Variants in NTRK3 observed in about 807,000 individuals in gnomAD.
NTRK3 encodes neurotrophic receptor tyrosine kinase 3, also known as NT-3 growth factor receptor.
In NTRK3, 24 loss-of-function variants were observed where a neutral mutation model predicts 91.7. The ratio of observed to expected loss-of-function variants is 0.26; its 90% confidence interval spans 0.19 to 0.37. NTRK3 has a LOEUF of 0.37. NTRK3 is among the 10% of genes least tolerant of loss of function. The pLI, the probability that NTRK3 is intolerant of heterozygous loss-of-function variation, is 1.00. For synonymous variants in NTRK3, 483 were observed against 404.0 expected, an observed-to-expected ratio of 1.20 and a Z score of -2.34; for missense variants, 880 against 1,068.9, an observed-to-expected ratio of 0.82 and a Z score of 2.46.
At chr15:88,065,147 A>G (rs1031520755) in intron 13 of NTRK3, among the ~76,000 whole-genome samples, 2 of 152,134 alleles carry the variant, frequency 1.3e-5, no homozygotes, top group African/African-American at 4.8e-5. Context: ...TACCCATGAT[A>G]GAAAGAGGGT....
exon 2 of NTRK3, chr15:88,256,364 C>G (rs1387969782): frequency 3.1e-6 from 2 of 637,342 alleles, no homozygotes; most frequent in Non-Finnish European, 5.6e-6. Flanking sequence ...GCCGCCGCCG[C>G]CGGGTGGGAG....
At chr15:88,003,826 A>ATTT (rs35312227) in intron 14 of NTRK3, among the ~76,000 whole-genome samples, 26 of 136,404 alleles carry the variant, frequency 1.9e-4, no homozygotes, top group South Asian at 9.5e-4. Context: ...ATATATTTGG[A>ATTT]TTTTTTTTTT....
At chr15:88,079,728 T>C (rs1366456509) in intron 13 of NTRK3, among the ~76,000 whole-genome samples, 1 of 152,230 alleles carries the variant, frequency 6.6e-6, no homozygotes, top group Non-Finnish European at 1.5e-5. Context: ...TAAAGGACAG[T>C]CATCAATACA....
intron 13 of NTRK3, among the ~76,000 whole-genome samples, chr15:88,123,140 G>C (rs4887208): frequency 0.27 from 40,316 of 152,078 alleles, 5,796 homozygotes; most frequent in African/African-American, 0.35. Flanking sequence ...TATACATAAA[G>C]AAAAGAAGGG....
At chr15:87,977,991 C>T (rs747406474) in intron 14 of NTRK3, 2 of 233,392 alleles carry the variant, frequency 8.6e-6, no homozygotes, top group Non-Finnish European at 1.7e-5. Flanking sequence ...ACAAGCCCCC[C>T]ACAGGATGCT....
At chr15:88,125,589 C>T (rs1395782259) in intron 13 of NTRK3, among the ~76,000 whole-genome samples, 1 of 150,980 alleles carries the variant, frequency 6.6e-6, no homozygotes, top group Non-Finnish European at 1.5e-5. Context: ...CATTTGGTCA[C>T]ATCCATCTCT....
chr15:87,879,803 G>A (rs535367471), intron 18 of NTRK3, among the ~76,000 whole-genome samples: 18 of 152,042 alleles, frequency 1.2e-4, no homozygotes, highest in South Asian at 4.2e-4. Flanking sequence ...ATTCCTAGAC[G>A]TTCACACATG....
intron 13 of NTRK3, among the ~76,000 whole-genome samples, chr15:88,082,794 G>T (rs967429987): frequency 1.3e-5 from 2 of 152,144 alleles, no homozygotes; most frequent in Non-Finnish European, 2.9e-5. Flanking sequence ...CGGAATCGGG[G>T]TCTAACTGGG....
chr15:87,891,037 C>G (rs952856410), intron 17 of NTRK3, among the ~76,000 whole-genome samples: 1 of 152,108 alleles, frequency 6.6e-6, no homozygotes, highest in Non-Finnish European at 1.5e-5. Context: ...TGTGTTCTTT[C>G]TCATGCAGAA....
chr15:88,238,546 T>A (rs936704554), intron 3 of NTRK3, among the ~76,000 whole-genome samples: 1 of 152,204 alleles, frequency 6.6e-6, no homozygotes, highest in African/African-American at 2.4e-5. Flanking sequence ...AGGCCAAGAC[T>A]GTCACGAAAT....
At position 88,255,836 on chromosome 15, in the gene NTRK3, GGCCGC is replaced by G. The variant is rs2054000509; in HGVS notation, c.248+65_248+69del. 3.6e-6 allele frequency: 5 copies of G among 1,394,304 alleles called. No individual in the cohort carries two copies. The East Asian group carries it at 1.4e-4, about 40-fold the overall frequency. 86.4% of individuals were successfully genotyped at this position (1,394,304 alleles called of 1,614,324 possible). ...TGGGGCGGGCGGAGGGCCGGCTCCC[GGCCGC>G]GGGTGGGCAGGAGGGAGACGCAGAG... On this transcript the variant is annotated intron_variant, in intron 3 of 18. Coordinates refer to ENST00000394480, the Ensembl canonical transcript of NTRK3. This position sits in a 1 kb window ranked among gnomAD's most constrained non-coding sequence, Gnocchi z 4.3.
intron 13 of NTRK3, among the ~76,000 whole-genome samples, chr15:88,109,561 G>T (rs926455927): frequency 6.6e-6 from 1 of 152,168 alleles, no homozygotes; most frequent in African/African-American, 2.4e-5. Flanking sequence ...AGCTTTTCCC[G>T]CCATGTTTTC....
chr15:88,084,572 G>A (rs1240047232), intron 13 of NTRK3, among the ~76,000 whole-genome samples: 1 of 152,198 alleles, frequency 6.6e-6, no homozygotes, highest in Non-Finnish European at 1.5e-5. Context: ...TCTCTGGAAT[G>A]GCAGTGAACT....
chr15:87,954,934 T>C (rs2071507968), intron 14 of NTRK3, among the ~76,000 whole-genome samples: 1 of 152,204 alleles, frequency 6.6e-6, no homozygotes, highest in African/African-American at 2.4e-5. Context: ...GCCATAGATT[T>C]CCCAGGAGTG....
intron 6 of NTRK3, among the ~76,000 whole-genome samples, chr15:88,139,732 T>C (rs1439726761): frequency 6.6e-6 from 1 of 152,146 alleles, no homozygotes; most frequent in African/African-American, 2.4e-5. Context: ...AAGTCACATG[T>C]GCAAGGTCTT....
intron 13 of NTRK3, among the ~76,000 whole-genome samples, chr15:88,098,269 A>G (rs150263958): frequency 1.3e-5 from 2 of 152,338 alleles, no homozygotes; most frequent in Admixed American, 1.3e-4. Flanking sequence ...CGAGTGGCCA[A>G]GGAAAAGGGA....
At chr15:87,997,874 G>T (rs1487658030) in intron 14 of NTRK3, among the ~76,000 whole-genome samples, 1 of 152,154 alleles carries the variant, frequency 6.6e-6, no homozygotes, top group Non-Finnish European at 1.5e-5. Context: ...AGAACCAGAT[G>T]ATGGTCTAGC....
intron 14 of NTRK3, among the ~76,000 whole-genome samples, chr15:88,001,676 C>G (rs985182366): frequency 3.3e-5 from 5 of 152,150 alleles, no homozygotes; most frequent in African/African-American, 1.2e-4. Flanking sequence ...TCTGGACTCT[C>G]AATTCTACTC....
chr15:88,015,782 T>C (rs111363687), intron 14 of NTRK3, among the ~76,000 whole-genome samples: 132 of 152,242 alleles, frequency 8.7e-4, no homozygotes, highest in African/African-American at 3.1e-3. Context: ...AAAATCATCT[T>C]TGTACTCAGT....
Sources: allele counts gnomAD v4.1 joint callset (sites outside exome capture counted in the v4.1 genomes callset), GRCh38; gene constraint gnomAD v4.1.1; non-coding constraint Gnocchi (gnomAD v3.1); transcripts MANE v1.5; gene names NCBI Gene and HGNC (gene_info 2026-07-23, HGNC 2026-07-21).